The following P2RY6 variants were observed in gnomAD, a reference collection of about 807,000 sequenced individuals.
The protein encoded by P2RY6 is pyrimidinergic receptor P2Y6, also known as P2Y purinoceptor 6.
Under a neutral mutation model 16.3 loss-of-function variants are expected in P2RY6, and 19 were observed. The ratio of observed to expected loss-of-function variants is 1.16; its 90% confidence interval spans 0.81 to 1.71. The LOEUF (loss-of-function observed/expected upper bound fraction) is 1.71, where lower values mean the gene tolerates loss of function less well. P2RY6 is among the 40% of genes most tolerant of loss of function. P2RY6 has a pLI of 0.00. For missense variants in P2RY6, 389 were observed against 455.5 expected (o/e 0.85, Z 1.33); for synonymous variants, 184 against 201.5 (o/e 0.91, Z 0.74).
chr11:73,290,313 AAG>A (rs1864166157), intron 1 of P2RY6, among the ~76,000 whole-genome samples: 1 of 95,758 alleles, frequency 1.0e-5, no homozygotes, highest in African/African-American at 4.0e-5. Flanking sequence ...AAAAGAAAGA[AAG>A]AAAGAAAGAA....
intron 1 of P2RY6, among the ~76,000 whole-genome samples, chr11:73,283,441 C>T (rs1215576156): frequency 6.6e-6 from 1 of 152,186 alleles, no homozygotes; most frequent in South Asian, 2.1e-4. Flanking sequence ...CAGGCAGAGT[C>T]CAGGCCCTTT....
chr11:73,290,153 C>T (rs915494509), intron 1 of P2RY6, among the ~76,000 whole-genome samples: 1 of 151,344 alleles, frequency 6.6e-6, no homozygotes, highest in African/African-American at 2.4e-5. Context: ...ACCTGGGAGG[C>T]GGAAGTTGCA....
At chr11:73,279,486 G>T (rs905898780) in intron 1 of P2RY6, among the ~76,000 whole-genome samples, 1 of 152,190 alleles carries the variant, frequency 6.6e-6, no homozygotes, top group Non-Finnish European at 1.5e-5. Context: ...GCTTAGGCAA[G>T]AAAATGTATA....
At chr11:73,287,058 G>A (rs1863998893) in intron 1 of P2RY6, among the ~76,000 whole-genome samples, 1 of 152,194 alleles carries the variant, frequency 6.6e-6, no homozygotes, top group African/African-American at 2.4e-5. Flanking sequence ...TGACACCAAA[G>A]GTAAAACCTC....
upstream of P2RY6, chr11:73,272,247 C>T (rs149533637): frequency 1.8e-3 from 1,153 of 643,820 alleles, 8 homozygotes; most frequent in African/African-American, 0.021. Context: ...TCTCGGGATT[C>T]GAGTCCTGGC....
chr11:73,297,566 A>G lies in P2RY6; in HGVS notation c.*61A>G. The G allele has an allele frequency of 1.5e-6, 2 of 1,321,260 alleles. No individual in the cohort carries two copies. The allele number at this position is 1,321,260 out of a possible 1,614,324, so 81.8% of individuals were successfully genotyped here. Reference sequence around the variant, plus strand: ...TTGTGTCCGGGGCACCAGGAGCCCCACCAACCCCAAACCATGCGGAGAATT... The same window carrying G: ...TTGTGTCCGGGGCACCAGGAGCCCCGCCAACCCCAAACCATGCGGAGAATT... On this transcript the variant is annotated 3_prime_UTR_variant, in exon 3 of 3. Coordinates refer to ENST00000540124, the MANE Select transcript of P2RY6 (RefSeq NM_001277204.2).
At chr11:73,280,840 G>T (rs1419256516) in intron 1 of P2RY6, among the ~76,000 whole-genome samples, 3 of 152,186 alleles carry the variant, frequency 2.0e-5, no homozygotes, top group Admixed American at 2.0e-4. Flanking sequence ...GGTCAGCAGG[G>T]ACTGGGTTTG....
At chr11:73,272,561 C>A in intron 1 of P2RY6, 95 bp downstream of exon 1, 1 of 959,738 alleles carries the variant, frequency 1.0e-6, no homozygotes, top group Non-Finnish European at 1.2e-6. Flanking sequence ...GCCACCGAGG[C>A]TCATCACAGG....
intron 1 of P2RY6, among the ~76,000 whole-genome samples, chr11:73,283,476 C>G (rs1863844737): frequency 2.6e-5 from 4 of 152,206 alleles, no homozygotes; most frequent in Admixed American, 2.0e-4. Flanking sequence ...AGGTGGCTCT[C>G]CTCCCCTAGC....
At chr11:73,276,063 C>T (rs932866198) in intron 1 of P2RY6, among the ~76,000 whole-genome samples, 1 of 152,230 alleles carries the variant, frequency 6.6e-6, no homozygotes, top group Admixed American at 6.5e-5. Context: ...CCGTGGGGTA[C>T]TTGTTCCACA....
intron 1 of P2RY6, among the ~76,000 whole-genome samples, chr11:73,265,867 A>G (rs1863085081): frequency 6.6e-6 from 1 of 152,234 alleles, no homozygotes. Flanking sequence ...TATCTGCAGA[A>G]CTTTGGGCAA....
intron 1 of P2RY6, among the ~76,000 whole-genome samples, chr11:73,292,185 C>T (rs554686272): frequency 3.3e-5 from 5 of 152,348 alleles, no homozygotes; most frequent in South Asian, 2.1e-4. Context: ...ATGCGCTCTG[C>T]GCCTGCCGTG....
chr11:73,273,593 G>A (rs1863409716), intron 1 of P2RY6, among the ~76,000 whole-genome samples: 1 of 152,062 alleles, frequency 6.6e-6, no homozygotes, highest in Non-Finnish European at 1.5e-5. Context: ...CAGTTTATCA[G>A]AAAGGGAGGG....
chr11:73,296,233 A>AAATATATATATAT (rs57187973), intron 2 of P2RY6, among the ~76,000 whole-genome samples: 16 of 124,486 alleles, frequency 1.3e-4, no homozygotes, highest in African/African-American at 4.6e-4. Flanking sequence ...GAAAAAAAAA[A>AAATATATATATAT]ATATATATAT....
chr11:73,296,711 A>T lies in P2RY6; in HGVS notation c.193A>T (p.Thr65Ser). Residue 65 changes from threonine to serine, a missense_variant, in exon 3 of 3, where the codon ACC becomes TCC. By Grantham distance (58) the Thr-to-Ser change is moderately conservative. Transcript: ENST00000540124. ...GGCCCTGACCCGCACGGCCGTGTAC[A>T]CCCTAAACCTTGCTCTGGCTGACCT... The part of the protein sequence containing the change: ...RRALTRTAVY[T>S]LNLALADLLY... 2.5e-6 allele frequency: 4 copies of T among 1,613,722 alleles called. No individual in the cohort carries two copies. Among genetic ancestry groups the T allele is most frequent in the Non-Finnish European group, 2.5e-6 (3 of 1,179,928 alleles).
chr11:73,298,419 T>G lies in P2RY6; in HGVS notation c.*914T>G, dbSNP rs1864597010. 1.2e-5 allele frequency: 2 copies of G among 167,112 alleles called. No homozygotes were observed. The highest frequency in any genetic ancestry group is 4.8e-5 in the African/African-American group (2 of 41,458). The allele number at this position is 167,112 out of a possible 1,614,324, so 10.4% of individuals were successfully genotyped here. A position where few individuals can be genotyped will look rare whatever the true frequency, so the allele number is the denominator to read the frequency against. On this transcript the variant is annotated 3_prime_UTR_variant, in exon 3 of 3. Coordinates refer to ENST00000540124, the MANE Select transcript of P2RY6 (RefSeq NM_001277204.2). ...CAGACAAGGGCAAGAGTTAGCCAGA[T>G]GCTCCAGGCAGTGGGAAGCCAATGG...
At chr11:73,267,379 C>G (rs1223189948), upstream of P2RY6, among the ~76,000 whole-genome samples, 1 of 152,162 alleles carries the variant, frequency 6.6e-6, no homozygotes, top group Admixed American at 6.5e-5. Flanking sequence ...AGCAGAGTTG[C>G]TGGGAGTACC....
chr11:73,271,090 G>A (rs1027046055), upstream of P2RY6, among the ~76,000 whole-genome samples: 2 of 152,192 alleles, frequency 1.3e-5, no homozygotes, highest in Non-Finnish European at 2.9e-5. Context: ...AACAGAGTAG[G>A]TGGCCAATAA....
At chr11:73,289,237 C>G (rs1047467400) in intron 1 of P2RY6, among the ~76,000 whole-genome samples, 7 of 152,218 alleles carry the variant, frequency 4.6e-5, no homozygotes, top group Non-Finnish European at 8.8e-5. Context: ...TGGTTGTCGC[C>G]TGAACTGAAA....
Sources: gnomAD v4.1 joint callset for allele counts (sites outside exome capture counted in the v4.1 genomes callset) on GRCh38, gnomAD v4.1.1 for gene constraint, MANE v1.5 for transcripts, NCBI Gene and HGNC (gene_info 2026-07-23, HGNC 2026-07-21) for gene names.